Variants in CSMD2 observed in about 807,000 individuals in gnomAD.
The protein encoded by CSMD2 is CUB and sushi domain-containing protein 2.
In CSMD2, 130 loss-of-function variants were observed where a neutral mutation model predicts 398.5. The ratio of observed to expected loss-of-function variants is 0.33; its 90% CI spans 0.28 to 0.38. CSMD2 has a LOEUF of 0.38. CSMD2 is among the 10% of genes least tolerant of loss of function. CSMD2 has a pLI of 1.00. For missense variants in CSMD2, 3,829 were observed against 4,764.9 expected, an observed-to-expected ratio of 0.80 and a Z score of 5.78; for synonymous variants, 1,828 against 1,908.5, an observed-to-expected ratio of 0.96 and a Z score of 1.10.
intron 37 of CSMD2, among the ~76,000 whole-genome samples, chr1:33,619,736 T>C (rs553118476): frequency 2.0e-4 from 30 of 152,316 alleles, no homozygotes; most frequent in African/African-American, 6.3e-4. Flanking sequence ...TTTTAAGATA[T>C]GAGTGTGATA....
At chr1:33,707,693 GCGCACACACACACACACACACACACA>G (rs1424617869) in intron 22 of CSMD2, among the ~76,000 whole-genome samples, 805 of 46,954 alleles carry the variant, frequency 0.017, 12 homozygotes, top group African/African-American at 0.047. Flanking sequence ...ACGCGCGCGC[GCGCACACACACACACACACACACACA>G]CACACACACA....
chr1:33,983,950 A>C (rs2002804), intron 3 of CSMD2, among the ~76,000 whole-genome samples: 36,320 of 151,996 alleles, frequency 0.24, 5,153 homozygotes, highest in Middle Eastern at 0.33. Flanking sequence ...GTCAGGAGTT[A>C]AAGACCAGCC....
intron 1 of CSMD2, among the ~76,000 whole-genome samples, chr1:34,111,543 C>A (rs1011842879): frequency 1.3e-5 from 2 of 152,184 alleles, no homozygotes; most frequent in African/African-American, 4.8e-5. Flanking sequence ...ACTGTGTGTG[C>A]CCCACACAAT....
intron 10 of CSMD2, among the ~76,000 whole-genome samples, chr1:33,794,261 G>A (rs1220646593): frequency 1.3e-5 from 2 of 152,220 alleles, no homozygotes; most frequent in Non-Finnish European, 2.9e-5. Flanking sequence ...GCAGTGGCCT[G>A]AGAGTCACAG....
At chr1:34,027,252 A>T (rs1649765869) in intron 3 of CSMD2, among the ~76,000 whole-genome samples, 1 of 152,210 alleles carries the variant, frequency 6.6e-6, no homozygotes, top group Non-Finnish European at 1.5e-5. Flanking sequence ...AATTATCAGT[A>T]CATGGCCAGT....
chr1:34,057,902 A>G (rs909908202), intron 2 of CSMD2, among the ~76,000 whole-genome samples: 11 of 152,284 alleles, frequency 7.2e-5, no homozygotes, highest in African/African-American at 2.6e-4. Context: ...GAGCACTGGC[A>G]GGCAAGCTGG....
chr1:33,990,709 C>A (rs945726882), intron 3 of CSMD2, among the ~76,000 whole-genome samples: 3 of 152,188 alleles, frequency 2.0e-5, no homozygotes, highest in Admixed American at 1.3e-4. Context: ...TCTCTTCGTA[C>A]CTTACATTCT....
In CSMD2 at chr1:34,052,469, C is replaced by T. The variant is rs539253776; in HGVS notation, c.405-19763G>A. ...ATTTTTATATCCATGGGGGGGGGGT[C>T]GAGAAATCAATCCCCTATGGGACAA... On this transcript the variant is annotated intron_variant, in intron 2 of 70. Transcript: ENST00000373381. Among the ~76,000 whole-genome samples the T allele has an allele frequency of 7.6e-4, 97 of 127,124 alleles. 1 individual carries two copies. The Middle Eastern group carries it at 0.013, about 17-fold the overall frequency. 83.4% of individuals were successfully genotyped at this position (127,124 alleles called of 152,430 possible). A position where few individuals can be genotyped will look rare whatever the true frequency, so the allele number is the denominator to read the frequency against.
rs192562600 is a variant in CSMD2, at chr1:34,125,597, G to A, written c.188-36404C>T. Among the ~76,000 whole-genome samples, 8 of 152,056 alleles carry A rather than the reference G, an allele frequency of 5.3e-5. No homozygotes were observed. In the East Asian group the frequency reaches 1.2e-3, roughly 22 times the overall value. ...CGTTCTGCAGAAGCCCTGCAGCACC[G>A]TGGTTGCTCACCAAAATAGCATCAA... On this transcript the variant is annotated intron_variant, in intron 1 of 70. Coordinates refer to ENST00000373381, the MANE Select transcript of CSMD2 (RefSeq NM_001281956.2).
At chr1:33,627,125 T>C (rs1422363965) in intron 32 of CSMD2, among the ~76,000 whole-genome samples, 1 of 152,194 alleles carries the variant, frequency 6.6e-6, no homozygotes, top group Non-Finnish European at 1.5e-5. Flanking sequence ...GTATTGTTCA[T>C]ACTAGAACAT....
chr1:33,731,517 A>G (rs1646718217), intron 15 of CSMD2, among the ~76,000 whole-genome samples: 1 of 152,200 alleles, frequency 6.6e-6, no homozygotes, highest in Non-Finnish European at 1.5e-5. Flanking sequence ...AAGAGAGACA[A>G]TTGTGTTAAA....
intron 11 of CSMD2, among the ~76,000 whole-genome samples, chr1:33,792,111 C>G (rs1170209700): frequency 6.6e-6 from 1 of 152,176 alleles, no homozygotes; most frequent in East Asian, 1.9e-4. Flanking sequence ...GTGGCAGAAT[C>G]AAGGTCTGCA....
At chr1:33,644,113 C>T (rs1643278788) in intron 29 of CSMD2, among the ~76,000 whole-genome samples, 1 of 152,126 alleles carries the variant, frequency 6.6e-6, no homozygotes, top group East Asian at 1.9e-4. Flanking sequence ...GCTTGGCTGG[C>T]TCCGATGGCA....
Position 33,625,167 on chromosome 1 carries a change from G to C in CSMD2, c.5384C>G (p.Ala1795Gly). The change falls in exon 34 of 71, where the codon GCC (alanine) becomes GGC (glycine). Residue 1795 changes from alanine (A) to glycine (G), a missense_variant. By Grantham distance (60) the Ala-to-Gly change is moderately conservative. Around this residue, in one of 5 missense-constraint regions of CSMD2, gnomAD observed 2,001 missense variants for 2,567.1 expected, o/e 0.78. Transcript: ENST00000373381. ...KRLGSDFSVG[A>G]IVRFECNSGY... ...GGAGTTGCATTCGAAGCGGACGATG[G>C]CCCCCACCGAGAAGTCACTGCCCAG... 6.2e-7 allele frequency: 1 copy of C among 1,607,382 alleles called. No homozygotes were observed. Among genetic ancestry groups the C allele is most frequent in the Non-Finnish European group, 8.5e-7 (1 of 1,175,988 alleles).
chr1:34,004,276 C>T (rs958565900), intron 3 of CSMD2, among the ~76,000 whole-genome samples: 1 of 152,208 alleles, frequency 6.6e-6, no homozygotes, highest in African/African-American at 2.4e-5. Context: ...CCTGAGGCCA[C>T]ACCCGCCACC....
In CSMD2 at chr1:34,151,363, G is replaced by A. The variant is rs150555303; in HGVS notation, c.187+13548C>T. Among the ~76,000 whole-genome samples the A allele has an allele frequency of 2.0e-3, 309 of 152,308 alleles. 1 individual carries two copies. The highest frequency in any genetic ancestry group is 3.1e-3 in the Non-Finnish European group (212 of 68,030). ...GCTAAAGGCCTTAAAAAGCCACCTT[G>A]ATGACAGAGGTATGGGGTTGAAGCC... On this transcript the variant is annotated intron_variant, in intron 1 of 70. Transcript: ENST00000373381.
intron 12 of CSMD2, among the ~76,000 whole-genome samples, chr1:33,776,390 G>A (rs1651969838): frequency 6.6e-6 from 1 of 152,180 alleles, no homozygotes; most frequent in South Asian, 2.1e-4. Flanking sequence ...GCAGGAGACC[G>A]AGGGAGATCC....
At chr1:34,111,982 TTCTCTCTCTCTCTC>T (rs6143186) in intron 1 of CSMD2, among the ~76,000 whole-genome samples, 47,604 of 149,276 alleles carry the variant, frequency 0.32, 8,511 homozygotes, top group Non-Finnish European at 0.41. Context: ...TTCTTTCAAA[TTCTCTCTCTCTCTC>T]TCTCTCTCTC....
intron 25 of CSMD2, among the ~76,000 whole-genome samples, chr1:33,687,224 C>G (rs951678757): frequency 6.6e-6 from 1 of 152,142 alleles, no homozygotes; most frequent in Non-Finnish European, 1.5e-5. Context: ...CCAAATGGCT[C>G]AAGTGCAAAA....
Sources: allele counts gnomAD v4.1 joint callset (sites outside exome capture counted in the v4.1 genomes callset), GRCh38; gene constraint gnomAD v4.1.1; regional missense constraint gnomAD v4.1.1; transcripts MANE v1.5; gene names NCBI Gene and HGNC (gene_info 2026-07-23, HGNC 2026-07-21).